The following STX18 variants were observed in gnomAD, a reference collection of about 807,000 sequenced individuals.
The protein encoded by STX18 is syntaxin-18.
In STX18, 40 loss-of-function variants were observed where a neutral mutation model predicts 50.1. That is an observed-to-expected ratio of 0.80 (90% CI 0.62 to 1.04). The LOEUF is 1.04. STX18 is among the 50% of genes least tolerant of loss of function. The pLI is 0.00. For synonymous variants in STX18, 158 were observed against 151.8 expected, an observed-to-expected ratio of 1.04 and a Z score of -0.30; for missense variants, 410 against 415.8, an observed-to-expected ratio of 0.99 and a Z score of 0.12.
chr4:4,450,584 G>A (rs1377940796), intron 5 of STX18, among the ~76,000 whole-genome samples: 6 of 152,170 alleles, frequency 3.9e-5, no homozygotes, highest in Admixed American at 6.5e-5. Flanking sequence ...GATTACAGGC[G>A]TGAGCCACTA....
chr4:4,465,862 G>C (rs1727595753), intron 2 of STX18, among the ~76,000 whole-genome samples: 1 of 152,220 alleles, frequency 6.6e-6, no homozygotes, highest in Admixed American at 6.5e-5. Flanking sequence ...GCAGCTCCAT[G>C]AAGGCAGGGA....
intron 1 of STX18, among the ~76,000 whole-genome samples, chr4:4,511,043 C>T (rs559430608): frequency 7.9e-5 from 12 of 152,148 alleles, no homozygotes; most frequent in Admixed American, 1.3e-4. Context: ...TTAGGACAAA[C>T]GCCTAATGCA....
At chr4:4,516,278 T>C (rs1034774141) in intron 1 of STX18, among the ~76,000 whole-genome samples, 2 of 152,222 alleles carry the variant, frequency 1.3e-5, no homozygotes, top group African/African-American at 4.8e-5. Flanking sequence ...TGTACTTTCA[T>C]CTGTTAAATG....
chr4:4,509,682 C>T (rs1048652196), intron 1 of STX18, among the ~76,000 whole-genome samples: 7 of 151,796 alleles, frequency 4.6e-5, no homozygotes, highest in East Asian at 1.9e-4. Flanking sequence ...GAAAGTGTTA[C>T]GGGACAAAAA....
chr4:4,484,202 C>G (rs927390025), intron 1 of STX18, among the ~76,000 whole-genome samples: 1 of 152,166 alleles, frequency 6.6e-6, no homozygotes, highest in African/African-American at 2.4e-5. Flanking sequence ...ACATCTGCGG[C>G]TTCTGGCCAT....
chr4:4,477,212 C>T (rs1012710370), intron 1 of STX18, among the ~76,000 whole-genome samples: 4 of 152,156 alleles, frequency 2.6e-5, no homozygotes, highest in African/African-American at 9.7e-5. Flanking sequence ...CACTGCACTC[C>T]AGCCTGGTGA....
intron 1 of STX18, among the ~76,000 whole-genome samples, chr4:4,495,967 T>C (rs1225909094): frequency 6.6e-6 from 1 of 152,308 alleles, no homozygotes; most frequent in East Asian, 1.9e-4. Flanking sequence ...GCATCTATGA[T>C]TATCGGATAA....
intron 1 of STX18, among the ~76,000 whole-genome samples, chr4:4,492,731 T>C (rs773288955): frequency 6.6e-6 from 1 of 152,190 alleles, no homozygotes; most frequent in Non-Finnish European, 1.5e-5. Context: ...AAGAAGTTTA[T>C]TTCAGATTTA....
intron 1 of STX18, among the ~76,000 whole-genome samples, chr4:4,520,302 G>A (rs1730454108): frequency 6.6e-6 from 1 of 152,172 alleles, no homozygotes; most frequent in South Asian, 2.1e-4. Flanking sequence ...AGGAGAATAT[G>A]GCAGTGATTC....
chr4:4,483,392 G>C (rs1728550160), intron 1 of STX18, among the ~76,000 whole-genome samples: 1 of 151,862 alleles, frequency 6.6e-6, no homozygotes, highest in African/African-American at 2.4e-5. Flanking sequence ...AGACTTCTAG[G>C]ACTCTTACAC....
chr4:4,523,888 T>C (rs1402373293), intron 1 of STX18, among the ~76,000 whole-genome samples: 2 of 152,198 alleles, frequency 1.3e-5, no homozygotes, highest in Non-Finnish European at 2.9e-5. Context: ...GAATCTCTTT[T>C]TACCCTTCAA....
chr4:4,517,756 C>G (rs904367230), intron 1 of STX18, among the ~76,000 whole-genome samples: 2 of 151,776 alleles, frequency 1.3e-5, no homozygotes, highest in African/African-American at 4.8e-5. Flanking sequence ...ATCATCATTC[C>G]CTTTATAAGT....
At chr4:4,453,286 T>C (rs1054331953) in intron 5 of STX18, among the ~76,000 whole-genome samples, 2 of 152,174 alleles carry the variant, frequency 1.3e-5, no homozygotes, top group African/African-American at 4.8e-5. Flanking sequence ...GAAGACTCAG[T>C]TGATGCAGCA....
intron 2 of STX18, among the ~76,000 whole-genome samples, chr4:4,463,532 G>T (rs12374304): frequency 0.038 from 5,839 of 152,260 alleles, 125 homozygotes; most frequent in Non-Finnish European, 0.049. Context: ...AACACTCTAA[G>T]CATTTACTTT....
At chr4:4,485,481 GA>G in intron 1 of STX18, among the ~76,000 whole-genome samples, 1 of 152,214 alleles carries the variant, frequency 6.6e-6, no homozygotes, top group Non-Finnish European at 1.5e-5. Context: ...CCCAGTGTTG[GA>G]AAAGACTGCC....
At chr4:4,437,070 C>T (rs1028886536) in intron 6 of STX18, among the ~76,000 whole-genome samples, 4 of 151,342 alleles carry the variant, frequency 2.6e-5, no homozygotes, top group African/African-American at 9.8e-5. Flanking sequence ...AGTGATTCTC[C>T]TGCCTCAGCC....
In STX18 at chr4:4,420,332, T is replaced by C. The variant is rs137939133; in HGVS notation, c.913-203A>G. ...ATATTTCCCTCTGTTTGGCCATCAT[T>C]TGGGTCCTGCACAATTCTCCCTCAA... On this transcript the variant is annotated intron_variant, in intron 10 of 10. Transcript: ENST00000306200. The surrounding 1 kb of genome is among the most constrained non-coding windows in gnomAD (Gnocchi z 4.3). The C allele has an allele frequency of 1.6e-4, 88 of 563,402 alleles. No individual in the cohort carries two copies. Among genetic ancestry groups the C allele is most frequent in the African/African-American group, 1.4e-3 (72 of 53,230 alleles). 34.9% of individuals were successfully genotyped at this position (563,402 alleles called of 1,614,324 possible). A position where few individuals can be genotyped will look rare whatever the true frequency, so the allele number is the denominator to read the frequency against.
intron 1 of STX18, among the ~76,000 whole-genome samples, chr4:4,488,536 C>A (rs376637482): frequency 6.6e-6 from 1 of 152,136 alleles, no homozygotes; most frequent in Non-Finnish European, 1.5e-5. Flanking sequence ...TCAATGTAGA[C>A]GAAATCTCCT....
chr4:4,423,340 G>A (rs1725064180), intron 9 of STX18, among the ~76,000 whole-genome samples, 178 bp downstream of exon 9: 1 of 152,222 alleles, frequency 6.6e-6, no homozygotes, highest in South Asian at 2.1e-4. Context: ...GTGTGCAGAG[G>A]CAGCTCTGGG....
Sources: allele counts gnomAD v4.1 joint callset (sites outside exome capture counted in the v4.1 genomes callset), GRCh38; gene constraint gnomAD v4.1.1; non-coding constraint Gnocchi (gnomAD v3.1); transcripts MANE v1.5; gene names NCBI Gene and HGNC (gene_info 2026-07-23, HGNC 2026-07-21).